Variants in ZNF184 observed in about 807,000 individuals in gnomAD.
The protein encoded by ZNF184 is zinc finger protein 184 (Kruppel-like).
In ZNF184, 16 loss-of-function variants were observed where a neutral mutation model predicts 54.4. The observed-to-expected ratio is 0.29, with a 90% confidence interval of 0.20 to 0.45. ZNF184 has a LOEUF of 0.45. Among genes scored for constraint, ZNF184 ranks in the 20% least tolerant of loss-of-function variants. The probability of loss-of-function intolerance (pLI) is 1.00; values close to 1 mark genes in which losing one functional copy is unlikely to be tolerated. For synonymous variants in ZNF184, 254 were observed against 295.3 expected, an observed-to-expected ratio of 0.86 and a Z score of 1.43; for missense variants, 681 against 888.2, an observed-to-expected ratio of 0.77 and a Z score of 2.97.
At chr6:27,424,452 T>G in the ZNF184 span, among the ~76,000 whole-genome samples, 1 of 152,110 alleles carries the variant, frequency 6.6e-6, no homozygotes, top group Non-Finnish European at 1.5e-5. Context: ...TAGAGCCGAG[T>G]GGTCTGTTTT....
intron 2 of ZNF184, among the ~76,000 whole-genome samples, chr6:27,469,382 C>T (rs536927053): frequency 3.1e-4 from 47 of 152,314 alleles, no homozygotes; most frequent in Admixed American, 1.0e-3. Context: ...GTGGCTCATG[C>T]CTGTAATCCC....
At chr6:27,429,696 C>T in the ZNF184 span, among the ~76,000 whole-genome samples, 7 of 152,090 alleles carry the variant, frequency 4.6e-5, no homozygotes, top group African/African-American at 1.4e-4. Flanking sequence ...TTCTTTTTGC[C>T]CCTCCATGTG....
chr6:27,408,197 C>T, the ZNF184 span, among the ~76,000 whole-genome samples: 1 of 152,164 alleles, frequency 6.6e-6, no homozygotes, highest in Non-Finnish European at 1.5e-5. Context: ...AGTCCCTAAG[C>T]ACTATTAAAT....
the ZNF184 span, among the ~76,000 whole-genome samples, chr6:27,423,907 T>C: frequency 6.6e-6 from 1 of 152,378 alleles, no homozygotes; most frequent in South Asian, 2.1e-4. Flanking sequence ...TCTGTTTATT[T>C]GGAATCTCTA....
intron 3 of ZNF184, among the ~76,000 whole-genome samples, chr6:27,460,380 GACA>G (rs1473686491): frequency 6.6e-6 from 1 of 152,164 alleles, no homozygotes; most frequent in African/African-American, 2.4e-5. Flanking sequence ...CTCTAACCAT[GACA>G]AAGCAACTGG....
At chr6:27,424,381 T>C in the ZNF184 span, among the ~76,000 whole-genome samples, 3 of 152,206 alleles carry the variant, frequency 2.0e-5, no homozygotes, top group African/African-American at 4.8e-5. Flanking sequence ...GAGTTGCCAC[T>C]GCTGGCCCCG....
chr6:27,463,149 C>T (rs2893918), intron 3 of ZNF184, among the ~76,000 whole-genome samples: 81,084 of 119,168 alleles, frequency 0.68, 28,131 homozygotes, highest in Middle Eastern at 0.78. Flanking sequence ...GGGGGAGGGA[C>T]AGCATTAGGG....
intron 2 of ZNF184, among the ~76,000 whole-genome samples, 183 bp from the exon 3 acceptor site, chr6:27,468,103 G>A (rs1763187744): frequency 6.6e-6 from 1 of 152,136 alleles, no homozygotes; most frequent in African/African-American, 2.4e-5. Flanking sequence ...AGGCTCAGGA[G>A]GTAAAGCATT....
At chr6:27,449,044 T>A (rs1403447304), downstream of ZNF184, among the ~76,000 whole-genome samples, 1 of 152,254 alleles carries the variant, frequency 6.6e-6, no homozygotes, top group Non-Finnish European at 1.5e-5. Context: ...TGATTTTTAA[T>A]GAAGACTTAA....
chr6:27,451,951 C>T lies in ZNF184; in HGVS notation c.1608G>A (p.Gly536=). 6.2e-7 allele frequency: 1 copy of T among 1,613,212 alleles called. No homozygotes were observed. The highest frequency in any genetic ancestry group is 8.5e-7 in the Non-Finnish European group (1 of 1,179,972). ...QEKAYECKEC[G]KAFIRSSSLA... is the part of the protein sequence containing the mutation. ...GAGATGAACTCCGAATAAAAGCTTTCCCACATTCTTTACATTCATAAGCTT... is the reference window on the plus strand; with the variant it reads ...GAGATGAACTCCGAATAAAAGCTTTTCCACATTCTTTACATTCATAAGCTT... The change falls in exon 6 of 6, where the codon GGG becomes GGA. Residue 536 remains glycine (G), a synonymous_variant. Transcript: ENST00000683788.
the ZNF184 span, among the ~76,000 whole-genome samples, chr6:27,423,273 GGTAAAGTGCT>G: frequency 0.017 from 2,610 of 152,282 alleles, 43 homozygotes; most frequent in Non-Finnish European, 0.029. Flanking sequence ...TAGCTGGGTG[GGTAAAGTGCT>G]GTCTCTGTAG....
At chr6:27,411,890 GC>G in the ZNF184 span, among the ~76,000 whole-genome samples, 3 of 152,202 alleles carry the variant, frequency 2.0e-5, no homozygotes, top group Non-Finnish European at 4.4e-5. Context: ...CTTGCCCAGG[GC>G]CCCTAGCCCA....
intron 3 of ZNF184, among the ~76,000 whole-genome samples, 163 bp downstream of exon 3, chr6:27,467,690 T>A (rs147243074): frequency 6.6e-6 from 1 of 152,252 alleles, no homozygotes; most frequent in East Asian, 1.9e-4. Flanking sequence ...ATGTATTAGT[T>A]AAAGCTGGAG....
At chr6:27,404,878 G>T in the ZNF184 span, 1 of 152,104 alleles carries the variant, frequency 6.6e-6, no homozygotes, top group Non-Finnish European at 1.5e-5. Context: ...TTAGCCAGGC[G>T]TGGTGGCTCA....
At chr6:27,470,751 A>G (rs956445590) in intron 2 of ZNF184, among the ~76,000 whole-genome samples, 1 of 152,202 alleles carries the variant, frequency 6.6e-6, no homozygotes, top group African/African-American at 2.4e-5. Flanking sequence ...CACATAGTAA[A>G]TGCTCAGTAT....
intron 5 of ZNF184, 39 bp downstream of exon 5, chr6:27,456,787 G>T: frequency 1.3e-6 from 2 of 1,536,392 alleles, no homozygotes; most frequent in Non-Finnish European, 9.0e-7. Flanking sequence ...GCTGACAGTC[G>T]GAGTTAATGA....
the ZNF184 span, among the ~76,000 whole-genome samples, chr6:27,418,169 A>G: frequency 5.3e-5 from 8 of 152,350 alleles, no homozygotes; most frequent in Non-Finnish European, 7.4e-5. Context: ...TGTCAGAGAG[A>G]AGACTGCTTG....
the ZNF184 span, among the ~76,000 whole-genome samples, chr6:27,409,281 CAAGGTGAGGAGAT>C: frequency 6.6e-6 from 1 of 152,020 alleles, no homozygotes; most frequent in African/African-American, 2.4e-5. Context: ...GGGCGGATCA[CAAGGTGAGGAGAT>C]CGAGACCATC....
At chr6:27,466,045 T>C (rs1763127437) in intron 3 of ZNF184, among the ~76,000 whole-genome samples, 1 of 152,286 alleles carries the variant, frequency 6.6e-6, no homozygotes, top group African/African-American at 2.4e-5. Flanking sequence ...CTGTATTACA[T>C]AGGTGAGCCT....
Sources: allele counts gnomAD v4.1 joint callset (sites outside exome capture counted in the v4.1 genomes callset), GRCh38; gene constraint gnomAD v4.1.1; transcripts MANE v1.5; gene names NCBI Gene and HGNC (gene_info 2026-07-23, HGNC 2026-07-21).